The following DAPK1 variants were observed in gnomAD, a reference collection of about 807,000 sequenced individuals.
DAPK1 encodes the protein death associated protein kinase 1.
DAPK1 carries 56 observed loss-of-function variants against 144.9 expected under a neutral mutation model. The ratio of observed to expected loss-of-function variants is 0.39; its 90% CI spans 0.31 to 0.48. The LOEUF (loss-of-function observed/expected upper bound fraction) is 0.48. Ranked by LOEUF, DAPK1 falls within the 20% of genes least tolerant of loss-of-function variation. The pLI is 0.95. For missense variants in DAPK1, 1,454 were observed against 1,875.4 expected, an observed-to-expected ratio of 0.78 and a Z score of 4.15; for synonymous variants, 690 against 749.0, an observed-to-expected ratio of 0.92 and a Z score of 1.29.
chr9:87,646,600 T>C (rs1486676053), intron 13 of DAPK1, 41 bp downstream of exon 13: 1 of 1,507,658 alleles, frequency 6.6e-7, no homozygotes. Context: ...TTTTAAAGTA[T>C]TTTCAAGTGT....
At chr9:87,523,684 T>C (rs990245794) in intron 2 of DAPK1, among the ~76,000 whole-genome samples, 1 of 152,206 alleles carries the variant, frequency 6.6e-6, no homozygotes, top group Non-Finnish European at 1.5e-5. Context: ...GTCTGTGATT[T>C]GCCTGGAATT....
chr9:87,650,266 T>TGTGACA (rs887317729), intron 16 of DAPK1, 148 bp downstream of exon 16: 3 of 719,920 alleles, frequency 4.2e-6, no homozygotes, highest in Non-Finnish European at 6.9e-6. Context: ...CCAAAGATTC[T>TGTGACA]GTGAACTTTT....
chr9:87,591,725 A>G (rs1295612678), intron 2 of DAPK1, among the ~76,000 whole-genome samples: 1 of 152,204 alleles, frequency 6.6e-6, no homozygotes, highest in Non-Finnish European at 1.5e-5. Flanking sequence ...AGCTGGAAAA[A>G]TGAGTTCTGT....
At chr9:87,700,828 A>C (rs895827544) in intron 24 of DAPK1, among the ~76,000 whole-genome samples, 2 of 152,226 alleles carry the variant, frequency 1.3e-5, no homozygotes, top group Non-Finnish European at 2.9e-5. Flanking sequence ...AAAAAATTCA[A>C]AAGTGACTTA....
chr9:87,702,361 C>A (rs549792503), intron 24 of DAPK1, among the ~76,000 whole-genome samples: 2 of 152,284 alleles, frequency 1.3e-5, no homozygotes, highest in African/African-American at 4.8e-5. Context: ...AGCCTACATA[C>A]CAAGAATGGG....
chr9:87,640,862 A>G lies in DAPK1; in HGVS notation c.828+15A>G, dbSNP rs749135090. ...CCTGGATCAAGGTGAGTTGCATATT[A>G]CGAAACTGTTTAGATCACTTTCTAT... On this transcript the variant is annotated intron_variant, in intron 9 of 25. Coordinates refer to ENST00000408954, the MANE Select transcript of DAPK1 (RefSeq NM_004938.4). The G allele has an allele frequency of 1.5e-5, 25 of 1,613,246 alleles. No individual in the cohort carries two copies. The South Asian group carries it at 2.7e-4, about 18-fold the overall frequency.
intron 3 of DAPK1, among the ~76,000 whole-genome samples, chr9:87,622,054 CTT>C (rs11347503): frequency 2.2e-4 from 32 of 146,358 alleles, no homozygotes; most frequent in Middle Eastern, 3.6e-3. Flanking sequence ...CTGCCTTGCA[CTT>C]TTTTTTTTTT....
At chr9:87,660,035 C>T (rs1443688991) in intron 18 of DAPK1, among the ~76,000 whole-genome samples, 1 of 152,156 alleles carries the variant, frequency 6.6e-6, no homozygotes, top group Non-Finnish European at 1.5e-5. Context: ...TGGGGGCGCC[C>T]CTGCGGGAGG....
chr9:87,584,905 G>A (rs1045149079), intron 2 of DAPK1, among the ~76,000 whole-genome samples: 139 of 152,236 alleles, frequency 9.1e-4, no homozygotes, highest in African/African-American at 3.1e-3. Flanking sequence ...TCGAACTCCT[G>A]ACCTCAGGTG....
chr9:87,667,247 A>C (rs1357281399), intron 18 of DAPK1, among the ~76,000 whole-genome samples: 2 of 152,140 alleles, frequency 1.3e-5, no homozygotes, highest in African/African-American at 4.8e-5. Context: ...CCACTGGGGG[A>C]TATTTCAGGA....
At chr9:87,593,728 A>G (rs1185774725) in intron 2 of DAPK1, among the ~76,000 whole-genome samples, 2 of 152,182 alleles carry the variant, frequency 1.3e-5, no homozygotes, top group African/African-American at 2.4e-5. Context: ...ATGAAGTTAT[A>G]TGAACCTCCT....
intron 2 of DAPK1, among the ~76,000 whole-genome samples, chr9:87,568,393 A>G (rs572204239): frequency 6.6e-6 from 1 of 152,364 alleles, no homozygotes; most frequent in African/African-American, 2.4e-5. Flanking sequence ...AGTTGTGATC[A>G]GTGGATTAAA....
chr9:87,655,768 C>T (rs146325532), intron 17 of DAPK1, among the ~76,000 whole-genome samples: 104 of 152,306 alleles, frequency 6.8e-4, no homozygotes, highest in African/African-American at 2.4e-3. Flanking sequence ...GAATAGATGG[C>T]GCAGAATGCA....
chr9:87,506,604 C>A (rs1216931148), intron 2 of DAPK1, among the ~76,000 whole-genome samples: 1 of 152,232 alleles, frequency 6.6e-6, no homozygotes, highest in Non-Finnish European at 1.5e-5. Flanking sequence ...TTTCCTTACG[C>A]AACAACTAGT....
intron 2 of DAPK1, among the ~76,000 whole-genome samples, chr9:87,597,307 C>T (rs944124374): frequency 2.6e-5 from 4 of 152,198 alleles, no homozygotes; most frequent in African/African-American, 9.6e-5. Flanking sequence ...CAGCTGAAAG[C>T]TTCAGCATCT....
chr9:87,669,011 A>G (rs1831159626), intron 19 of DAPK1: 1 of 231,624 alleles, frequency 4.3e-6, no homozygotes, highest in Non-Finnish European at 8.6e-6. Context: ...TTGAGCTCCA[A>G]GATGGCTGTT....
At chr9:87,633,033 G>T in intron 3 of DAPK1, 1 of 980,572 alleles carries the variant, frequency 1.0e-6, no homozygotes, top group Non-Finnish European at 1.2e-6. Context: ...TATATGTAGG[G>T]ATGAAGGAGG....
intron 20 of DAPK1, among the ~76,000 whole-genome samples, chr9:87,684,348 C>T (rs1052269349): frequency 6.6e-6 from 1 of 152,178 alleles, no homozygotes; most frequent in Non-Finnish European, 1.5e-5. Context: ...GTGCTGGGGT[C>T]TCTTTCAGGC....
At chr9:87,582,924 GAGC>G (rs928181369) in intron 2 of DAPK1, among the ~76,000 whole-genome samples, 1 of 151,704 alleles carries the variant, frequency 6.6e-6, no homozygotes, top group Non-Finnish European at 1.5e-5. Context: ...AGAACCACAG[GAGC>G]AGCAGCAGCA....
Sources: allele counts gnomAD v4.1 joint callset (sites outside exome capture counted in the v4.1 genomes callset), GRCh38; gene constraint gnomAD v4.1.1; transcripts MANE v1.5; gene names NCBI Gene and HGNC (gene_info 2026-07-23, HGNC 2026-07-21).